NRG2: variants seen among roughly 807,000 people sequenced by gnomAD.
NRG2 encodes neuregulin 2, also known as pro-neuregulin-2, membrane-bound isoform.
A neutral mutation model predicts 73.9 loss-of-function variants in NRG2; 27 were observed. The ratio of observed to expected loss-of-function variants is 0.37; its 90% CI spans 0.27 to 0.50. NRG2 has a LOEUF of 0.50. Among genes scored for constraint, NRG2 ranks in the 20% least tolerant of loss-of-function variants. The pLI is 0.96. For missense variants in NRG2, 1,126 were observed against 1,210.1 expected, an observed-to-expected ratio of 0.93 and a Z score of 1.03; for synonymous variants, 532 against 541.0, an observed-to-expected ratio of 0.98 and a Z score of 0.23.
intron 1 of NRG2, among the ~76,000 whole-genome samples, chr5:139,985,681 A>G (rs149772952): frequency 6.6e-6 from 1 of 152,218 alleles, no homozygotes; most frequent in African/African-American, 2.4e-5. Flanking sequence ...GAAGCTAACC[A>G]TAGGTCCCAG....
chr5:139,866,016 G>A (rs2127053702), intron 4 of NRG2, among the ~76,000 whole-genome samples: 1 of 152,284 alleles, frequency 6.6e-6, no homozygotes, highest in Non-Finnish European at 1.5e-5. Context: ...GGAGCCTTAA[G>A]GAATACCAAG....
chr5:139,871,359 G>C (rs899923371), intron 4 of NRG2, among the ~76,000 whole-genome samples: 7 of 152,226 alleles, frequency 4.6e-5, no homozygotes, highest in Middle Eastern at 3.4e-3. Context: ...GAGGAAAAGA[G>C]GGGGGGAAAG....
intron 1 of NRG2, among the ~76,000 whole-genome samples, chr5:139,963,467 G>A (rs1386907504): frequency 6.6e-6 from 1 of 152,198 alleles, no homozygotes; most frequent in Non-Finnish European, 1.5e-5. Context: ...TTCTTCTGCA[G>A]ACAGCTAAGA....
In NRG2 at chr5:139,919,886, C is replaced by T. The variant is rs377198216; in HGVS notation, c.701-32375G>A. ...ACACCAGAAACAGCTATGCAAGTCT[C>T]GCAACAAAAATCCAAAAGACTGTGG... is the stretch of plus-strand genomic sequence containing the variant. On this transcript the variant is annotated intron_variant, in intron 1 of 9. Coordinates refer to ENST00000361474, the MANE Select transcript of NRG2 (RefSeq NM_004883.3). Among the ~76,000 whole-genome samples, 275 of 152,266 alleles carry T rather than the reference C, an allele frequency of 1.8e-3. 2 individuals are homozygous for T. Among genetic ancestry groups the T allele is most frequent in the African/African-American group, 6.1e-3 (254 of 41,544 alleles).
intron 1 of NRG2, among the ~76,000 whole-genome samples, chr5:140,020,394 C>A (rs544511483): frequency 1.3e-5 from 2 of 152,298 alleles, no homozygotes; most frequent in East Asian, 3.9e-4. Context: ...AGGTATGAGA[C>A]CCAGCTCCTC....
chr5:139,985,339 C>CAA (rs1310701827), intron 1 of NRG2, among the ~76,000 whole-genome samples: 1 of 82,302 alleles, frequency 1.2e-5, no homozygotes, highest in Non-Finnish European at 2.6e-5. Context: ...GACTCGGTCT[C>CAA]AAAAAAAAAA....
intron 1 of NRG2, among the ~76,000 whole-genome samples, chr5:139,953,279 G>A (rs1754362965): frequency 6.6e-6 from 1 of 152,176 alleles, no homozygotes; most frequent in African/African-American, 2.4e-5. Flanking sequence ...TTTGTGACTG[G>A]GGCTGAAGGG....
chr5:139,905,404 A>T (rs889461251), intron 1 of NRG2, among the ~76,000 whole-genome samples: 1 of 152,168 alleles, frequency 6.6e-6, no homozygotes, highest in Non-Finnish European at 1.5e-5. Flanking sequence ...AGCCATCCCA[A>T]CCAGAATCCA....
Position 139,859,739 on chromosome 5 carries a change from TAGGAC to T in NRG2, c.1190-3966_1190-3962del. ...CCTGCTAAATCAACGTAGTTTATGATAGGACATCTCGATGGGGCCAGGAGAGATTT... is the reference window on the plus strand; with the variant it reads ...CCTGCTAAATCAACGTAGTTTATGATATCTCGATGGGGCCAGGAGAGATTT... On this transcript the variant is annotated intron_variant, in intron 5 of 9. Coordinates refer to ENST00000361474, the MANE Select transcript of NRG2 (RefSeq NM_004883.3). 3 of 761,650 alleles carry T rather than the reference TAGGAC, an allele frequency of 3.9e-6. No homozygotes were observed. The South Asian group carries it at 5.3e-5, about 14-fold the overall frequency. The allele number at this position is 761,650 out of a possible 1,614,324, so 47.2% of individuals were successfully genotyped here.
intron 1 of NRG2, among the ~76,000 whole-genome samples, chr5:140,005,984 C>T (rs1405484669): frequency 6.6e-6 from 1 of 152,190 alleles, no homozygotes; most frequent in Non-Finnish European, 1.5e-5. Context: ...CCAAAGACGT[C>T]TAGGTCAAAG....
chr5:139,948,255 G>A (rs1033143352), intron 1 of NRG2, among the ~76,000 whole-genome samples: 3 of 152,152 alleles, frequency 2.0e-5, no homozygotes, highest in South Asian at 2.1e-4. Context: ...TTCCTGAGAC[G>A]AATACTCTTC....
At chr5:140,001,354 C>T (rs1232127886) in intron 1 of NRG2, among the ~76,000 whole-genome samples, 2 of 152,196 alleles carry the variant, frequency 1.3e-5, no homozygotes, top group African/African-American at 4.8e-5. Context: ...AGTTTTTTCA[C>T]ACATGGTTAT....
At chr5:139,939,248 CTTTCTTTCTTTCTT>C (rs1753193401) in intron 1 of NRG2, among the ~76,000 whole-genome samples, 2 of 137,650 alleles carry the variant, frequency 1.5e-5, no homozygotes, top group Non-Finnish European at 3.1e-5. Context: ...TCCTTCCTTT[CTTTCTTTCTTTCTT>C]TTTCTTTCTT....
In NRG2 at chr5:139,960,154, T is replaced by C. The variant is rs79973078; in HGVS notation, c.701-72643A>G. Among the ~76,000 whole-genome samples, 828 of 152,278 alleles carry C rather than the reference T, an allele frequency of 5.4e-3. 2 individuals carry two copies. The highest frequency in any genetic ancestry group is 7.6e-3 in the Non-Finnish European group (515 of 68,020). ...CCTCTCTTCAGAGCTGAGGTTGGGG[T>C]TCTGCTTTGACACAAGGAGTCTGAT... On this transcript the variant is annotated intron_variant, in intron 1 of 9. Transcript: ENST00000361474.
chr5:139,961,322 T>C (rs1464534817), intron 1 of NRG2, among the ~76,000 whole-genome samples: 1 of 152,022 alleles, frequency 6.6e-6, no homozygotes, highest in Non-Finnish European at 1.5e-5. Context: ...TCTACTGTCC[T>C]GTCTCTCTGA....
intron 1 of NRG2, among the ~76,000 whole-genome samples, chr5:140,037,798 C>T (rs1367101665): frequency 6.6e-6 from 1 of 150,838 alleles, no homozygotes; most frequent in East Asian, 2.0e-4. Flanking sequence ...ATCCCAGCTA[C>T]TCAGGAGGCT....
chr5:139,947,351 G>A (rs1174506994), intron 1 of NRG2, among the ~76,000 whole-genome samples: 2 of 152,124 alleles, frequency 1.3e-5, no homozygotes, highest in Non-Finnish European at 2.9e-5. Context: ...ATTTGTGACT[G>A]GCTTCTTTCA....
intron 1 of NRG2, among the ~76,000 whole-genome samples, chr5:139,946,215 C>G (rs1001428239): frequency 6.6e-6 from 1 of 152,004 alleles, no homozygotes; most frequent in Non-Finnish European, 1.5e-5. Context: ...TCAAAACTTA[C>G]TATAAGCCAC....
intron 1 of NRG2, among the ~76,000 whole-genome samples, chr5:139,941,075 G>A (rs1167958281): frequency 2.6e-5 from 4 of 152,164 alleles, no homozygotes; most frequent in Non-Finnish European, 5.9e-5. Context: ...GAAAGAAAAT[G>A]TGAGATTGGG....
Sources: gnomAD v4.1 joint callset for allele counts (sites outside exome capture counted in the v4.1 genomes callset) on GRCh38, gnomAD v4.1.1 for gene constraint, MANE v1.5 for transcripts, NCBI Gene and HGNC (gene_info 2026-07-23, HGNC 2026-07-21) for gene names.